USP19: variants seen among roughly 807,000 people sequenced by gnomAD.
USP19 encodes ubiquitin specific peptidase 19.
In USP19, 40 loss-of-function variants were observed where a neutral mutation model predicts 144.8. That is an observed-to-expected ratio of 0.28 (90% CI 0.21 to 0.36). The LOEUF (loss-of-function observed/expected upper bound fraction) is 0.36. Ranked by LOEUF, USP19 falls within the 10% of genes least tolerant of loss-of-function variation. The pLI, the probability that USP19 is intolerant of heterozygous loss-of-function variation, is 1.00. For synonymous variants in USP19, 701 were observed against 709.3 expected (o/e 0.99, Z 0.19); for missense variants, 1,518 against 1,822.5 (o/e 0.83, Z 3.04).
chr3:49,114,721 G>A lies in USP19; in HGVS notation c.2292+42C>T, dbSNP rs745865059. On this transcript the variant is annotated intron_variant, in intron 15 of 26. Coordinates refer to ENST00000417901, the MANE Select transcript of USP19 (RefSeq NM_001199161.2). This position sits in a 1 kb window ranked among gnomAD's most constrained non-coding sequence, Gnocchi z 4.5. ...TGAACCTAATGTGACCAGAATAGCT[G>A]AGCTGAACTAGGGGGTCTCTTTCCA... 7.9e-5 allele frequency: 127 copies of A among 1,601,102 alleles called. No individual in the cohort carries two copies. Among genetic ancestry groups the A allele is most frequent in the Non-Finnish European group, 1.1e-4 (124 of 1,168,964 alleles).
In USP19 at chr3:49,114,973, C is replaced by A. The variant is rs752277420; in HGVS notation, c.2167G>T (p.Gly723Trp). 2.5e-6 allele frequency: 4 copies of A among 1,614,082 alleles called. No homozygotes were observed. The highest frequency in any genetic ancestry group is 4.5e-5 in the East Asian group (2 of 44,892). The change falls in exon 14 of 27, where the codon GGG (glycine) becomes TGG (tryptophan). Residue 723 changes from glycine to tryptophan, a missense_variant. Coordinates refer to ENST00000417901, the MANE Select transcript of USP19 (RefSeq NM_001199161.2). The surrounding 1 kb of genome is among the most constrained non-coding windows in gnomAD (Gnocchi z 4.5). ...CTAACCCTGACCTCATCGGGCCGCC[C>A]ATCTGAATCCACGGTCTCTGTGTAG... Reference protein sequence around the residue: ...KPYTETVDSDGRPDEVVAEEA... With the variant: ...KPYTETVDSDWRPDEVVAEEA...
chr3:49,115,451 G>A lies in USP19; in HGVS notation c.1881C>T (p.Phe627=). The change falls in exon 12 of 27, where the codon TTC becomes TTT. Residue 627 remains phenylalanine, a synonymous_variant. Transcript: ENST00000417901. This position sits in a 1 kb window ranked among gnomAD's most constrained non-coding sequence, Gnocchi z 6.6. ...TCCAGGCCCTGCCCTCACCATGGAA[G>A]AAGTCCCGGAGTTCCCGAGTGTTGG... The part of the protein sequence containing the change: ...SLSNTRELRD[F]FHDRSFEAEI... 1 of 1,613,970 alleles carries A rather than the reference G, an allele frequency of 6.2e-7. No individual in the cohort carries two copies.
In USP19 at chr3:49,116,906, T is replaced by C; in HGVS notation, c.947A>G (p.Asn316Ser). The change falls in exon 7 of 27, where the codon AAC (asparagine) becomes AGC (serine). Residue 316 changes from asparagine to serine, a missense_variant. Transcript: ENST00000417901. The surrounding 1 kb of genome is among the most constrained non-coding windows in gnomAD (Gnocchi z 5.0). Reference protein sequence around the residue: ...ADEQLCIPPLNSQTCLLGSEE... With the variant: ...ADEQLCIPPLSSQTCLLGSEE... ...TGAGCCCAGGAGGCAGGTTTGGGAG[T>C]TCAGCGGTGGTATGCAAAGCTGTTC... 1.2e-6 allele frequency: 2 copies of C among 1,613,900 alleles called. No homozygotes were observed. Among genetic ancestry groups the C allele is most frequent in the Non-Finnish European group, 1.7e-6 (2 of 1,179,994 alleles).
In USP19 at chr3:49,115,015, G is replaced by A. The variant is rs2043843706; in HGVS notation, c.2125C>T (p.Arg709Cys). 13 of 1,614,002 alleles carry A rather than the reference G, an allele frequency of 8.1e-6. No homozygotes were observed. Among genetic ancestry groups the A allele is most frequent in the East Asian group, 2.2e-5 (1 of 44,892 alleles). ...TCTGTGTAGGGCTTGTTCTGAATGCGATTCAGGTCCTCGTGCAGCCCATCC... is the reference window on the plus strand; with the variant it reads ...TCTGTGTAGGGCTTGTTCTGAATGCAATTCAGGTCCTCGTGCAGCCCATCC... Reference protein sequence around the residue: ...LLDGLHEDLNRIQNKPYTETV... With the variant: ...LLDGLHEDLNCIQNKPYTETV... The change falls in exon 14 of 27, where the codon CGC becomes TGC. Residue 709 changes from arginine (R) to cysteine (C), a missense_variant. Arg to Cys is a radical substitution (Grantham distance 180). Transcript: ENST00000417901. The surrounding 1 kb of genome is among the most constrained non-coding windows in gnomAD (Gnocchi z 6.6).
Position 49,116,120 on chromosome 3 carries a change from A to G in USP19, c.1398T>C (p.Ala466=). 1.2e-6 allele frequency: 2 copies of G among 1,613,456 alleles called. No homozygotes were observed. The highest frequency in any genetic ancestry group is 1.7e-6 in the Non-Finnish European group (2 of 1,179,850). Reference sequence around the variant, plus strand: ...TACGAAGGCAGATGTCGATGCGAGAAGCCGTGAAACAGAAGGTGCACTGCT... The same window carrying G: ...TACGAAGGCAGATGTCGATGCGAGAGGCCGTGAAACAGAAGGTGCACTGCT... ...EPEQCTFCFT[A]SRIDICLRKR... The change falls in exon 10 of 27, where the codon GCT becomes GCC. Residue 466 remains alanine, a synonymous_variant. Transcript: ENST00000417901. This position sits in a 1 kb window ranked among gnomAD's most constrained non-coding sequence, Gnocchi z 5.0.
At position 49,116,847 on chromosome 3, in the gene USP19, C is replaced by T. The variant is rs1437805971; in HGVS notation, c.1006G>A (p.Ala336Thr). The T allele has an allele frequency of 1.2e-6, 2 of 1,614,150 alleles. No homozygotes were observed. The highest frequency in any genetic ancestry group is 1.1e-5 in the South Asian group (1 of 91,082). Residue 336 changes from alanine to threonine, a missense_variant, in exon 7 of 27, where the codon GCA becomes ACA. Ala to Thr is a moderately conservative substitution (Grantham distance 58, BLOSUM62 0). This residue lies in a region of USP19 where 707 missense variants were observed against 728.9 expected (regional missense o/e 0.97). Coordinates refer to ENST00000417901, the MANE Select transcript of USP19 (RefSeq NM_001199161.2). The surrounding 1 kb of genome is among the most constrained non-coding windows in gnomAD (Gnocchi z 5.0). ...ENLAPLAGEK[A>T]VPPGNDPVSP... The stretch of plus-strand genomic sequence containing the variant: ...ACTGGGTCATTCCCGGGAGGCACTG[C>T]TTTCTCTCCTGCCAAAGGGGCTAAA...
In USP19 at chr3:49,112,621, C is replaced by G. The variant is rs775782709; in HGVS notation, c.2514G>C (p.Lys838Asn). 1.4e-5 allele frequency: 22 copies of G among 1,612,866 alleles called. No individual in the cohort carries two copies. Among genetic ancestry groups the G allele is most frequent in the Non-Finnish European group, 1.9e-5 (22 of 1,179,238 alleles). The change falls in exon 18 of 27, where the codon AAG (lysine) becomes AAC (asparagine). Residue 838 changes from lysine (K) to asparagine (N), a missense_variant. This residue lies in a region of USP19 where 413 missense variants were observed against 515.8 expected (regional missense o/e 0.80). Coordinates refer to ENST00000417901, the MANE Select transcript of USP19 (RefSeq NM_001199161.2). The surrounding 1 kb of genome is among the most constrained non-coding windows in gnomAD (Gnocchi z 4.9). ...PENLRLAEVI[K>N]NRFHRVFLPS... Reference sequence around the variant, plus strand: ...GTAGGAACACACGATGAAAACGATTCTTAATTACCTGGGGACAGAGAACAC... The same window carrying G: ...GTAGGAACACACGATGAAAACGATTGTTAATTACCTGGGGACAGAGAACAC...
At chr3:49,118,936 G>C in intron 2 of USP19, 86 bp downstream of exon 2, 1 of 1,580,688 alleles carries the variant, frequency 6.3e-7, no homozygotes, top group Non-Finnish European at 8.6e-7. Context: ...AGAAGAACAA[G>C]AAAGTCATCT....
Position 49,115,331 on chromosome 3 carries a change from T to C in USP19, c.1919A>G (p.Asn640Ser), listed in dbSNP as rs781406848. ...DRSFEAEINY[N>S]NPLGTGGRLA... ...ACGCCCACCAGTCCCTAGTGGGTTG[T>C]TGTAGTTGATCTCAGCCTCAAAGGA... is the stretch of plus-strand genomic sequence containing the variant. The change falls in exon 13 of 27, where the codon AAC becomes AGC. Residue 640 changes from asparagine to serine, a missense_variant. Coordinates refer to ENST00000417901, the MANE Select transcript of USP19 (RefSeq NM_001199161.2). This position sits in a 1 kb window ranked among gnomAD's most constrained non-coding sequence, Gnocchi z 6.6. 4 of 1,614,010 alleles carry C rather than the reference T, an allele frequency of 2.5e-6. No individual in the cohort carries two copies. The African/African-American group carries it at 4.0e-5, about 16-fold the overall frequency.
chr3:49,118,017 G>A lies in USP19; in HGVS notation c.228C>T (p.His76=), dbSNP rs1393109816. Residue 76 remains histidine, a synonymous_variant, in exon 3 of 27, where the codon CAC becomes CAT. Coordinates refer to ENST00000417901, the MANE Select transcript of USP19 (RefSeq NM_001199161.2). ...SHAAGITGSR[H]RTRLFFPSSS... ...ATGAAGGAAAGAACAGCCGGGTACG[G>A]TGGCGTGAGCCTGTGATCCCAGCTG... 1 of 1,604,322 alleles carries A rather than the reference G, an allele frequency of 6.2e-7. No individual in the cohort carries two copies. The highest frequency in any genetic ancestry group is 8.5e-7 in the Non-Finnish European group (1 of 1,177,712).
At position 49,110,040 on chromosome 3, in the gene USP19, T is replaced by C. The variant is rs6780307; in HGVS notation, c.4038+144A>G. ...CATGGGGATGCCTCTGGCTAAAGCT[T>C]TGATGTTAAGAGAACTCTGCAATTC... On this transcript the variant is annotated intron_variant, in intron 26 of 26. Coordinates refer to ENST00000417901, the MANE Select transcript of USP19 (RefSeq NM_001199161.2). This position sits in a 1 kb window ranked among gnomAD's most constrained non-coding sequence, Gnocchi z 6.1. The C allele has an allele frequency of 2.7e-3, 2,735 of 996,934 alleles. 41 individuals are homozygous for C. The African/African-American group carries it at 0.039, about 14-fold the overall frequency. The allele number at this position is 996,934 out of a possible 1,614,324, so 61.8% of individuals were successfully genotyped here.
intron 26 of USP19, chr3:49,109,146 GCTC>G: frequency 2.0e-6 from 3 of 1,514,008 alleles, no homozygotes; most frequent in Non-Finnish European, 2.6e-6. Context: ...TCAGGCACCG[GCTC>G]CTCCTCAGCC....
Position 49,108,383 on chromosome 3 carries a change from C to G in USP19, c.*29G>C. 1.0e-6 allele frequency: 1 copy of G among 984,284 alleles called. No homozygotes were observed. The highest frequency in any genetic ancestry group is 1.4e-6 in the Non-Finnish European group (1 of 693,682). 61.0% of individuals were successfully genotyped at this position (984,284 alleles called of 1,614,324 possible). On this transcript the variant is annotated 3_prime_UTR_variant, in exon 27 of 27. Coordinates refer to ENST00000417901, the MANE Select transcript of USP19 (RefSeq NM_001199161.2). This position sits in a 1 kb window ranked among gnomAD's most constrained non-coding sequence, Gnocchi z 4.8. ...TGGCCCTCTGTGTGGGTGTCCCAAA[C>G]CCAGTCCCCCCCATCAGCCAGGGAC...
At chr3:49,109,190 G>T (rs761183940) in intron 26 of USP19, 13 of 1,468,294 alleles carry the variant, frequency 8.9e-6, no homozygotes, top group Admixed American at 2.8e-5. Flanking sequence ...GGAAGCCTAG[G>T]GTATGTGGAA....
At chr3:49,109,110 C>T (rs1322752362) in intron 26 of USP19, 10 of 1,564,740 alleles carry the variant, frequency 6.4e-6, no homozygotes, top group Non-Finnish European at 7.8e-6. Context: ...TCTTGGGGCC[C>T]CCAGGGACCC....
rs1434795368 is a variant in USP19 at position 49,114,324 on chromosome 3, G to A, written c.2293-40C>T. ...GTGGCACTGGGTAGCTGCACACAGA[G>A]TGGGAGATAAGATGCTCATGCTCAG... On this transcript the variant is annotated intron_variant, in intron 15 of 26. Transcript: ENST00000417901. This position sits in a 1 kb window ranked among gnomAD's most constrained non-coding sequence, Gnocchi z 4.5. 6.3e-6 allele frequency: 10 copies of A among 1,588,094 alleles called. No individual in the cohort carries two copies. In the Admixed American group the frequency reaches 1.0e-4, roughly 16 times the overall value.
rs748155148 is a variant in USP19 at position 49,110,812 on chromosome 3, T to G, written c.3597A>C (p.Leu1199=). 9 of 1,614,074 alleles carry G rather than the reference T, an allele frequency of 5.6e-6. No individual in the cohort carries two copies. In the South Asian group the frequency reaches 9.9e-5, roughly 18 times the overall value. Residue 1199 remains leucine, a synonymous_variant, in exon 24 of 27, where the codon CTA becomes CTC. Transcript: ENST00000417901. The surrounding 1 kb of genome is among the most constrained non-coding windows in gnomAD (Gnocchi z 6.1). ...CGATGAGAACATTTGGCAGGCGCCATAGCAACAGCTGCTTGGAGGCCTCAC... is the reference window on the plus strand; with the variant it reads ...CGATGAGAACATTTGGCAGGCGCCAGAGCAACAGCTGCTTGGAGGCCTCAC... ...QHREASKQLL[L]WRLPNVLIVQ... is the part of the protein sequence containing the mutation.
rs749725341 is a variant in USP19 at position 49,119,103 on chromosome 3, G to T, written c.43C>A (p.Pro15Thr). 23 of 1,613,784 alleles carry T rather than the reference G, an allele frequency of 1.4e-5. No homozygotes were observed. The highest frequency in any genetic ancestry group is 1.6e-4 in the Middle Eastern group (1 of 6,082). ...ASATGPRRGP[P>T]GLEDTTSKKK... ...TTACTAGTGGTGTCCTCCAGTCCTG[G>T]GGGCCCTCTCCTTGGGCCTGTGGCA... Residue 15 changes from proline to threonine, a missense_variant, in exon 2 of 27, where the codon CCA becomes ACA. Pro to Thr is a conservative substitution (Grantham distance 38). Around this residue, in one of 5 missense-constraint regions of USP19, gnomAD observed 707 missense variants for 728.9 expected, o/e 0.97. Coordinates refer to ENST00000417901, the MANE Select transcript of USP19 (RefSeq NM_001199161.2).
In USP19 at chr3:49,115,418, A is replaced by G; in HGVS notation, c.1888+26T>C. On this transcript the variant is annotated intron_variant, in intron 12 of 26. Transcript: ENST00000417901. The surrounding 1 kb of genome is among the most constrained non-coding windows in gnomAD (Gnocchi z 6.6). ...AACAAAGGCACTCTCTCTGCCCATA[A>G]CCCAGGCTCCAGGCCCTGCCCTCAC... The G allele has an allele frequency of 6.2e-7, 1 of 1,613,648 alleles. No individual in the cohort carries two copies. The highest frequency in any genetic ancestry group is 1.7e-5 in the Admixed American group (1 of 60,010).
Sources: gnomAD v4.1 joint callset for allele counts on GRCh38, gnomAD v4.1.1 for gene constraint, gnomAD v4.1.1 regional missense constraint, Gnocchi (gnomAD v3.1) non-coding constraint, MANE v1.5 for transcripts, NCBI Gene and HGNC (gene_info 2026-07-23, HGNC 2026-07-21) for gene names.